The following XPO5 variants were observed in gnomAD, a reference collection of about 807,000 sequenced individuals.
XPO5 encodes exportin-5.
Under a neutral mutation model 160.6 loss-of-function variants are expected in XPO5, and 46 were observed. The observed-to-expected ratio is 0.29, with a 90% CI of 0.23 to 0.37. The LOEUF is 0.37. Among genes scored for constraint, XPO5 ranks in the 10% least tolerant of loss-of-function variants. The probability of loss-of-function intolerance (pLI) is 1.00; values close to 1 mark genes in which losing one functional copy is unlikely to be tolerated. For missense variants in XPO5, 1,090 were observed against 1,463.9 expected, an observed-to-expected ratio of 0.74 and a Z score of 4.17; for synonymous variants, 537 against 519.3, an observed-to-expected ratio of 1.03 and a Z score of -0.46.
In XPO5 at chr6:43,524,591, A is replaced by G. The variant is rs1246743694; in HGVS notation, c.3357T>C (p.Pro1119=). The change falls in exon 31 of 32, where the codon CCT becomes CCC. Residue 1119 remains proline, a synonymous_variant. Coordinates refer to ENST00000265351, the MANE Select transcript of XPO5 (RefSeq NM_020750.3). ...GGTCCAGTGAGTCCTTCTGTATTTC[A>G]GGGATTTGCTCCATTACAGCTCTTA... ...LEIRAVMEQI[P]EIQKDSLDQF... 2.5e-6 allele frequency: 4 copies of G among 1,613,972 alleles called. No homozygotes were observed. The highest frequency in any genetic ancestry group is 1.7e-6 in the Non-Finnish European group (2 of 1,179,888).
intron 16 of XPO5, 132 bp downstream of exon 16, chr6:43,549,760 CA>C: frequency 8.5e-7 from 1 of 1,183,158 alleles, no homozygotes; most frequent in East Asian, 2.6e-5. Context: ...CCTATAGTGG[CA>C]AAACAACATA....
intron 20 of XPO5, among the ~76,000 whole-genome samples, chr6:43,541,763 T>G (rs982070915): frequency 1.3e-5 from 2 of 152,252 alleles, no homozygotes; most frequent in Non-Finnish European, 2.9e-5. Context: ...TTGTAAGTAC[T>G]GTAGTAATCC....
chr6:43,570,881 T>C lies in XPO5; in HGVS notation c.414A>G (p.Glu138=). The part of the protein sequence containing the change: ...WPQHWPDMLI[E]LDTLSKQGET... Reference sequence around the variant, plus strand: ...CCCCTTGTTTGGAAAGAGTGTCCAATTCTATTAGCATGTCAGGCCAATGCT... The same window carrying C: ...CCCCTTGTTTGGAAAGAGTGTCCAACTCTATTAGCATGTCAGGCCAATGCT... Residue 138 remains glutamate, a synonymous_variant, in exon 4 of 32, where the codon GAA becomes GAG. Coordinates refer to ENST00000265351, the MANE Select transcript of XPO5 (RefSeq NM_020750.3). 2 of 1,612,356 alleles carry C rather than the reference T, an allele frequency of 1.2e-6. No individual in the cohort carries two copies. Among genetic ancestry groups the C allele is most frequent in the Non-Finnish European group, 1.7e-6 (2 of 1,179,458 alleles).
chr6:43,528,803 T>C, intron 24 of XPO5, 25 bp downstream of exon 24: 1 of 1,607,296 alleles, frequency 6.2e-7, no homozygotes, highest in Non-Finnish European at 8.5e-7. Flanking sequence ...TACTCTTTGC[T>C]TCCTGTTCCT....
At chr6:43,552,545 G>A (rs545874274) in intron 14 of XPO5, among the ~76,000 whole-genome samples, 26 of 152,180 alleles carry the variant, frequency 1.7e-4, no homozygotes, top group African/African-American at 6.0e-4. Flanking sequence ...TAGAGACAAG[G>A]TTTCACCATG....
intron 26 of XPO5, 49 bp from the exon 27 acceptor site, chr6:43,526,796 CA>C: frequency 6.3e-7 from 1 of 1,585,308 alleles, no homozygotes; most frequent in Non-Finnish European, 8.6e-7. Flanking sequence ...TATATACTAC[CA>C]CAACAGCCAC....
At chr6:43,552,413 C>T (rs770423738) in intron 14 of XPO5, among the ~76,000 whole-genome samples, 19 of 151,868 alleles carry the variant, frequency 1.3e-4, no homozygotes, top group Admixed American at 3.3e-4. Flanking sequence ...AGTGCACTGG[C>T]GTGATTTTGG....
At chr6:43,566,054 C>T (rs1490640763) in intron 7 of XPO5, among the ~76,000 whole-genome samples, 6 of 152,072 alleles carry the variant, frequency 3.9e-5, no homozygotes, top group African/African-American at 7.2e-5. Flanking sequence ...ATCAGGAGTT[C>T]GAGACCAGCC....
intron 2 of XPO5, 131 bp downstream of exon 2, chr6:43,573,349 A>T (rs776343569): frequency 2.1e-5 from 26 of 1,244,320 alleles, no homozygotes; most frequent in Non-Finnish European, 2.5e-5. Flanking sequence ...TTCTGATAAC[A>T]TCTAGGGGAT....
In XPO5 at chr6:43,526,672, C is replaced by A; in HGVS notation, c.2983+13G>T. The A allele has an allele frequency of 6.2e-7, 1 of 1,613,788 alleles. No homozygotes were observed. The highest frequency in any genetic ancestry group is 1.7e-5 in the Admixed American group (1 of 59,994). On this transcript the variant is annotated intron_variant, in intron 27 of 31. Transcript: ENST00000265351. The stretch of plus-strand genomic sequence containing the variant: ...CTAAGAGCAGAACTCCAAGGTCTCA[C>A]AGGCTCACTTACCGTCTCCATCTGC...
In XPO5 at chr6:43,570,965, G is replaced by A. The variant is rs367803997; in HGVS notation, c.330C>T (p.Asn110=). 3.1e-6 allele frequency: 5 copies of A among 1,612,872 alleles called. No homozygotes were observed. In the African/African-American group the frequency reaches 4.0e-5, roughly 13 times the overall value. ...TTCGAGACAGAGCATCTTTAATATG[G>A]TTCTCCTCTTCCAAAATGTTCAATG... is the stretch of plus-strand genomic sequence containing the variant. ...NGTLNILEEE[N]HIKDALSRIV... The change falls in exon 4 of 32, where the codon AAC becomes AAT. Residue 110 remains asparagine, a synonymous_variant. Transcript: ENST00000265351.
chr6:43,567,935 C>CA (rs760267973), intron 6 of XPO5, among the ~76,000 whole-genome samples: 352 of 75,182 alleles, frequency 4.7e-3, no homozygotes, highest in African/African-American at 8.3e-3. Flanking sequence ...GACCCTGTGT[C>CA]AAAAAAAAAA....
intron 3 of XPO5, among the ~76,000 whole-genome samples, chr6:43,571,439 TA>T (rs528992611): frequency 1.3e-5 from 2 of 151,958 alleles, no homozygotes; most frequent in South Asian, 4.1e-4. Context: ...TCATGTCTGT[TA>T]TTTAAAAAAA....
At chr6:43,531,687 G>A in intron 21 of XPO5, 112 bp from the exon 22 acceptor site, 1 of 893,440 alleles carries the variant, frequency 1.1e-6, no homozygotes, top group Non-Finnish European at 1.8e-6. Context: ...TGCATGTCTG[G>A]TGCTGTACTG....
intron 16 of XPO5, 133 bp downstream of exon 16, chr6:43,549,760 C>T: frequency 8.5e-7 from 1 of 1,183,158 alleles, no homozygotes; most frequent in Non-Finnish European, 1.2e-6. Context: ...CCTATAGTGG[C>T]AAAACAACAT....
intron 20 of XPO5, among the ~76,000 whole-genome samples, chr6:43,538,082 C>CAAAAA (rs1217531011): frequency 3.3e-4 from 12 of 36,130 alleles, no homozygotes; most frequent in African/African-American, 8.9e-4. Context: ...AAGATGGTCT[C>CAAAAA]AAAAAAAAAA....
At chr6:43,524,036 C>T (rs1793371645) in intron 31 of XPO5, 31 bp from the exon 32 acceptor site, 1 of 1,604,454 alleles carries the variant, frequency 6.2e-7, no homozygotes, top group East Asian at 2.2e-5. Context: ...AGAATTAATG[C>T]TGGGCCCTCA....
chr6:43,539,464 C>T lies in XPO5; in HGVS notation c.2343-5457G>A. 5.1e-6 allele frequency: 8 copies of T among 1,576,486 alleles called. No homozygotes were observed. In the South Asian group the frequency reaches 7.8e-5, roughly 15 times the overall value. ...TAATGGGCAGGGAGAAGAGATAGAT[C>T]TCCTCCAGGGACTTGATCTTCATGT... On this transcript the variant is annotated intron_variant, in intron 20 of 31. Coordinates refer to ENST00000265351, the MANE Select transcript of XPO5 (RefSeq NM_020750.3).
In XPO5 at chr6:43,540,370, T is replaced by C. The variant is rs1466017804; in HGVS notation, c.2342+6201A>G. Among the ~76,000 whole-genome samples, 3 of 152,166 alleles carry C rather than the reference T, an allele frequency of 2.0e-5. No homozygotes were observed. The East Asian group carries it at 5.8e-4, about 29-fold the overall frequency. ...GGCGGGCACCTGTAGTCCCAGCTAC[T>C]TGGGAGGCTGAAGCAGGAGAATGCC... is the stretch of plus-strand genomic sequence containing the variant. On this transcript the variant is annotated intron_variant, in intron 20 of 31. Coordinates refer to ENST00000265351, the MANE Select transcript of XPO5 (RefSeq NM_020750.3).
Sources: gnomAD v4.1 joint callset for allele counts (sites outside exome capture counted in the v4.1 genomes callset) on GRCh38, gnomAD v4.1.1 for gene constraint, MANE v1.5 for transcripts, NCBI Gene and HGNC (gene_info 2026-07-23, HGNC 2026-07-21) for gene names.